Variants in DLC1 observed in about 807,000 individuals in gnomAD.
DLC1 encodes the protein rho GTPase-activating protein 7.
DLC1 carries 54 observed loss-of-function variants against 140.3 expected under a neutral mutation model. The observed-to-expected ratio is 0.38, with a 90% CI of 0.31 to 0.48. The LOEUF is 0.48. DLC1 is among the 20% of genes least tolerant of loss of function. The pLI is 0.96. For missense variants in DLC1, 2,536 were observed against 1,907.0 expected (o/e 1.33, Z -6.14); for synonymous variants, 986 against 728.1 (o/e 1.35, Z -5.70).
intron 2 of DLC1, among the ~76,000 whole-genome samples, chr8:13,468,346 C>G (rs1445678246): frequency 1.2e-5 from 1 of 86,190 alleles, no homozygotes; most frequent in Non-Finnish European, 2.3e-5. Context: ...CCATTCCCCT[C>G]CCCTCCCCTC....
chr8:13,577,862 T>G (rs573819913), intron 1 of DLC1, among the ~76,000 whole-genome samples: 1 of 152,230 alleles, frequency 6.6e-6, no homozygotes, highest in South Asian at 2.1e-4. Context: ...GGTTAGGGGC[T>G]TCACCCATGA....
Position 13,260,431 on chromosome 8 carries a change from A to G in DLC1, c.1348+44838T>C, listed in dbSNP as rs1158760925. Among the ~76,000 whole-genome samples the G allele has an allele frequency of 4.6e-5, 7 of 152,350 alleles. No individual in the cohort carries two copies. The South Asian group carries it at 1.2e-3, about 27-fold the overall frequency. ...TTTTGTGATTAACTTCACATGAGGC[A>G]TGAAGGAGAGGTAAGGCCACCTGTA... On this transcript the variant is annotated intron_variant, in intron 5 of 17. Coordinates refer to ENST00000276297, the MANE Select transcript of DLC1 (RefSeq NM_182643.3).
chr8:13,412,780 A>C (rs1394242934), intron 2 of DLC1, among the ~76,000 whole-genome samples: 1 of 151,910 alleles, frequency 6.6e-6, no homozygotes, highest in Admixed American at 6.6e-5. Context: ...AAAATACAAA[A>C]AATTAGCCGG....
chr8:13,212,316 G>A (rs1247971325), intron 5 of DLC1, among the ~76,000 whole-genome samples: 1 of 152,080 alleles, frequency 6.6e-6, no homozygotes, highest in African/African-American at 2.4e-5. Flanking sequence ...AGGTCCATGT[G>A]TGCGTACACA....
At chr8:13,126,402 T>TACACACACACAC (rs1224384963) in intron 5 of DLC1, among the ~76,000 whole-genome samples, 2 of 116,612 alleles carry the variant, frequency 1.7e-5, no homozygotes, top group African/African-American at 4.3e-5. Context: ...CACACACACG[T>TACACACACACAC]GTACGTATTT....
rs1207534130 is a variant in DLC1, at chr8:13,582,883, T to C, written c.-126+21654A>G. Among the ~76,000 whole-genome samples the C allele has an allele frequency of 1.0e-3, 36 of 34,786 alleles. 2 individuals are homozygous for C. The highest frequency in any genetic ancestry group is 0.016 in the Middle Eastern group (1 of 62). The allele number at this position is 34,786 out of a possible 152,430, so 22.8% of individuals were successfully genotyped here. On this transcript the variant is annotated intron_variant, in intron 1 of 1. Transcript: ENST00000631382. ...TGTTTACAATATACTGTGGTCTATATATATATATATATATATATATATATA... is the reference window on the plus strand; with the variant it reads ...TGTTTACAATATACTGTGGTCTATACATATATATATATATATATATATATA...
chr8:13,230,239 C>G (rs1207101674), intron 5 of DLC1, among the ~76,000 whole-genome samples: 2 of 152,190 alleles, frequency 1.3e-5, no homozygotes, highest in Admixed American at 6.5e-5. Flanking sequence ...AGGATATTTT[C>G]ATAAATACCT....
chr8:13,437,307 T>G (rs967030385), intron 2 of DLC1, among the ~76,000 whole-genome samples: 1 of 152,226 alleles, frequency 6.6e-6, no homozygotes, highest in Non-Finnish European at 1.5e-5. Context: ...TCACTAGACA[T>G]GCTGCTAGCC....
chr8:13,088,117 G>A (rs1817717445), intron 16 of DLC1, among the ~76,000 whole-genome samples: 2 of 152,162 alleles, frequency 1.3e-5, no homozygotes, highest in Admixed American at 6.5e-5. Flanking sequence ...GTCTTGCTCT[G>A]TTGCCCAGGC....
intron 4 of DLC1, among the ~76,000 whole-genome samples, chr8:13,356,260 C>T (rs867044794): frequency 6.6e-6 from 1 of 151,900 alleles, no homozygotes; most frequent in Non-Finnish European, 1.5e-5. Context: ...TGAATGTAAC[C>T]TTATTTAGAC....
chr8:13,573,443 CCTTT>C (rs1165723979), intron 1 of DLC1, among the ~76,000 whole-genome samples: 5 of 152,094 alleles, frequency 3.3e-5, no homozygotes, highest in Non-Finnish European at 5.9e-5. Context: ...AATTTGAATG[CCTTT>C]CTATCTTTGC....
intron 1 of DLC1, among the ~76,000 whole-genome samples, chr8:13,579,359 A>AT (rs1454934936): frequency 7.4e-5 from 2 of 27,180 alleles, no homozygotes; most frequent in African/African-American, 3.7e-4. Context: ...ATATATATAT[A>AT]TATTTTTATA....
At chr8:13,451,634 C>T (rs1263627002) in intron 2 of DLC1, among the ~76,000 whole-genome samples, 5 of 152,128 alleles carry the variant, frequency 3.3e-5, no homozygotes, top group Admixed American at 3.3e-4. Flanking sequence ...CTTTCTGTGC[C>T]TGGCTTATTT....
chr8:13,600,114 T>C lies in DLC1; in HGVS notation c.-126+4423A>G, dbSNP rs535459951. Among the ~76,000 whole-genome samples, 34 of 152,008 alleles carry C rather than the reference T, an allele frequency of 2.2e-4. 1 individual carries two copies. In the South Asian group the frequency reaches 7.0e-3, roughly 31 times the overall value. On this transcript the variant is annotated intron_variant, in intron 1 of 1. Coordinates refer to the DLC1 transcript ENST00000631382. ...GCAATAGGAAACATGGTCCCCTTCT[T>C]TTAGGAGTTGTACCAAAAATTCTGA...
At chr8:13,356,255 G>A (rs1834938987) in intron 4 of DLC1, among the ~76,000 whole-genome samples, 1 of 151,976 alleles carries the variant, frequency 6.6e-6, no homozygotes, top group Admixed American at 6.6e-5. Context: ...AACTTTGAAT[G>A]TAACCTTATT....
intron 7 of DLC1, among the ~76,000 whole-genome samples, chr8:13,105,742 T>C (rs147096917): frequency 1.2e-4 from 18 of 152,124 alleles, no homozygotes; most frequent in Non-Finnish European, 2.1e-4. Context: ...CAGGCCCAGC[T>C]AATTTTTTGT....
intron 1 of DLC1, among the ~76,000 whole-genome samples, chr8:13,596,653 T>A (rs868174766): frequency 1.3e-5 from 2 of 152,038 alleles, no homozygotes; most frequent in South Asian, 4.2e-4. Flanking sequence ...TGAGATAAAT[T>A]TGGGAGTCTT....
At chr8:13,185,293 T>TTA (rs1563146221) in intron 5 of DLC1, among the ~76,000 whole-genome samples, 1 of 61,580 alleles carries the variant, frequency 1.6e-5, no homozygotes, top group South Asian at 5.7e-4. Flanking sequence ...GTTTTTTTTG[T>TTA]TTGTTTGTTT....
In DLC1 at chr8:13,144,873, G is replaced by A. The variant is rs573723779; in HGVS notation, c.1349-29216C>T. 2.6e-5 allele frequency among the ~76,000 whole-genome samples: 4 copies of A among 152,286 alleles called. No homozygotes were observed. In the East Asian group the frequency reaches 7.7e-4, roughly 29 times the overall value. On this transcript the variant is annotated intron_variant, in intron 5 of 17. Coordinates refer to ENST00000276297, the MANE Select transcript of DLC1 (RefSeq NM_182643.3). The stretch of plus-strand genomic sequence containing the variant: ...TTGACTAATACAGACCCCTAAGGAA[G>A]AACTGCCTAGCCATGTCCAGTAAAC...
Sources: gnomAD v4.1 joint callset for allele counts (sites outside exome capture counted in the v4.1 genomes callset) on GRCh38, gnomAD v4.1.1 for gene constraint, MANE v1.5 for transcripts, NCBI Gene and HGNC (gene_info 2026-07-23, HGNC 2026-07-21) for gene names.